The following GPR39 variants were observed in gnomAD, a reference collection of about 807,000 sequenced individuals.
GPR39 encodes the protein zinc sensing receptor.
Under a neutral mutation model 18.4 loss-of-function variants are expected in GPR39, and 23 were observed. The ratio of observed to expected loss-of-function variants is 1.25; its 90% CI spans 0.90 to 1.77. The LOEUF (loss-of-function observed/expected upper bound fraction) is 1.77, where lower values mean the gene tolerates loss of function less well. Among genes scored for constraint, GPR39 ranks in the 40% most tolerant of loss-of-function variants. The pLI, the probability that GPR39 is intolerant of heterozygous loss-of-function variation, is 0.00. For missense variants in GPR39, 647 were observed against 602.4 expected, an observed-to-expected ratio of 1.07 and a Z score of -0.78; for synonymous variants, 280 against 257.9, an observed-to-expected ratio of 1.09 and a Z score of -0.82.
intron 1 of GPR39, among the ~76,000 whole-genome samples, chr2:132,470,269 G>C (rs943411937): frequency 2.0e-5 from 3 of 152,214 alleles, no homozygotes; most frequent in African/African-American, 7.2e-5. Flanking sequence ...AGGGATGGGA[G>C]TGCTATGGAG....
intron 1 of GPR39, among the ~76,000 whole-genome samples, chr2:132,504,250 A>G (rs1679097440): frequency 6.6e-6 from 1 of 152,206 alleles, no homozygotes; most frequent in Non-Finnish European, 1.5e-5. Context: ...ATTCTTTAGC[A>G]ATTGAAAGTC....
intron 1 of GPR39, among the ~76,000 whole-genome samples, chr2:132,438,971 A>T (rs1680384430): frequency 6.6e-6 from 1 of 152,220 alleles, no homozygotes; most frequent in Non-Finnish European, 1.5e-5. Context: ...CATGTGGCGC[A>T]TAAGTGATTA....
At chr2:132,639,935 AT>A (rs1681829608) in intron 1 of GPR39, among the ~76,000 whole-genome samples, 1 of 146,400 alleles carries the variant, frequency 6.8e-6, no homozygotes, top group Admixed American at 6.8e-5. Flanking sequence ...TTAAAAAAAA[AT>A]AATGGGCTTG....
intron 1 of GPR39, among the ~76,000 whole-genome samples, chr2:132,448,457 G>A (rs1486036281): frequency 2.0e-5 from 3 of 152,220 alleles, no homozygotes; most frequent in Non-Finnish European, 4.4e-5. Context: ...ATGGAAATGT[G>A]TTTCATGGAT....
At chr2:132,563,763 G>A (rs1680297124) in intron 1 of GPR39, among the ~76,000 whole-genome samples, 1 of 152,160 alleles carries the variant, frequency 6.6e-6, no homozygotes, top group Non-Finnish European at 1.5e-5. Flanking sequence ...GCATTGTTTT[G>A]CTGTTTTTTG....
At chr2:132,529,922 C>T (rs559375881) in intron 1 of GPR39, among the ~76,000 whole-genome samples, 45 of 152,156 alleles carry the variant, frequency 3.0e-4, no homozygotes, top group Middle Eastern at 3.4e-3. Context: ...GCAGAAAAAC[C>T]GGAAACTCTA....
intron 1 of GPR39, among the ~76,000 whole-genome samples, chr2:132,622,613 C>G (rs1681462953): frequency 6.6e-6 from 1 of 152,188 alleles, no homozygotes; most frequent in African/African-American, 2.4e-5. Flanking sequence ...CCTGAAAAAG[C>G]TGGATACCGC....
chr2:132,428,376 A>C (rs1166254965), intron 1 of GPR39, among the ~76,000 whole-genome samples: 3 of 152,212 alleles, frequency 2.0e-5, no homozygotes, highest in Admixed American at 6.5e-5. Flanking sequence ...TGGGACATCA[A>C]AGTATAAGGG....
chr2:132,578,092 G>C (rs1352415094), intron 1 of GPR39, among the ~76,000 whole-genome samples: 1 of 144,730 alleles, frequency 6.9e-6, no homozygotes, highest in Non-Finnish European at 1.5e-5. Context: ...TTTATAAATG[G>C]GTGTTGGATT....
chr2:132,562,107 C>A (rs912095782), intron 1 of GPR39, among the ~76,000 whole-genome samples: 3 of 152,128 alleles, frequency 2.0e-5, no homozygotes, highest in African/African-American at 7.2e-5. Context: ...CCAGGTCACA[C>A]CCCAATCTCA....
chr2:132,536,470 G>A lies in GPR39; in HGVS notation c.857-108631G>A, dbSNP rs1287788777. 2.6e-5 allele frequency among the ~76,000 whole-genome samples: 4 copies of A among 152,184 alleles called. No individual in the cohort carries two copies. In the East Asian group the frequency reaches 7.7e-4, roughly 29 times the overall value. ...ATTTCTGTTCTTTTGCATTTGCTGA[G>A]CAGTGTTTTACTTCCAATTATATGG... On this transcript the variant is annotated intron_variant, in intron 1 of 1. Coordinates refer to ENST00000329321, the MANE Select transcript of GPR39 (RefSeq NM_001508.3).
intron 1 of GPR39, among the ~76,000 whole-genome samples, chr2:132,502,609 C>A (rs1679064717): frequency 6.6e-6 from 1 of 152,184 alleles, no homozygotes; most frequent in African/African-American, 2.4e-5. Flanking sequence ...ATTTGGATAT[C>A]TGGATCTCTA....
chr2:132,524,129 T>A (rs925034283), intron 1 of GPR39, among the ~76,000 whole-genome samples: 1 of 152,204 alleles, frequency 6.6e-6, no homozygotes, highest in Admixed American at 6.5e-5. Flanking sequence ...GGGAAAGCTG[T>A]CACCTCAGTC....
chr2:132,548,896 G>T (rs936575413), intron 1 of GPR39, among the ~76,000 whole-genome samples: 4 of 152,132 alleles, frequency 2.6e-5, no homozygotes, highest in Admixed American at 2.0e-4. Flanking sequence ...CATTCACATT[G>T]TTCAACAAAT....
chr2:132,586,404 G>A (rs931557711), intron 1 of GPR39, among the ~76,000 whole-genome samples: 1 of 152,168 alleles, frequency 6.6e-6, no homozygotes, highest in Non-Finnish European at 1.5e-5. Context: ...AAGGCAAGGC[G>A]TGCTGGCTGA....
intron 1 of GPR39, among the ~76,000 whole-genome samples, chr2:132,614,118 ATTC>A (rs1681285531): frequency 6.6e-6 from 1 of 151,584 alleles, no homozygotes; most frequent in Admixed American, 6.6e-5. Flanking sequence ...CCTCTTGTGA[ATTC>A]TTCTAGCATC....
chr2:132,645,519 A>G lies in GPR39; in HGVS notation c.1275A>G (p.Ser425=). ...CCGAGCCCCAGTCTAAGTCCCAGTC[A>G]TTGAGTCTCGAGTCACTAGAGCCCA... The part of the protein sequence containing the change: ...SEAEPQSKSQ[S]LSLESLEPNS... The change falls in exon 2 of 2, where the codon TCA becomes TCG. Residue 425 remains serine, a synonymous_variant. Transcript: ENST00000329321. The G allele has an allele frequency of 6.2e-7, 1 of 1,614,158 alleles. No homozygotes were observed. The highest frequency in any genetic ancestry group is 8.5e-7 in the Non-Finnish European group (1 of 1,180,006).
chr2:132,643,647 C>T (rs1347585774), intron 1 of GPR39, among the ~76,000 whole-genome samples: 1 of 152,174 alleles, frequency 6.6e-6, no homozygotes, highest in Non-Finnish European at 1.5e-5. Flanking sequence ...CAAAAAGTAT[C>T]TGAGACCACA....
chr2:132,588,268 A>T (rs1680767207), intron 1 of GPR39, among the ~76,000 whole-genome samples: 1 of 152,142 alleles, frequency 6.6e-6, no homozygotes, highest in African/African-American at 2.4e-5. Context: ...TCGCACTTGC[A>T]CCTTCTCCCT....
Sources: gnomAD v4.1 joint callset for allele counts (sites outside exome capture counted in the v4.1 genomes callset) on GRCh38, gnomAD v4.1.1 for gene constraint, MANE v1.5 for transcripts, NCBI Gene and HGNC (gene_info 2026-07-23, HGNC 2026-07-21) for gene names.